The following TMEM272 variants were observed in gnomAD, a reference collection of about 807,000 sequenced individuals.
TMEM272 encodes long intergenic non-protein coding RNA 282.
TMEM272 carries 8 observed loss-of-function variants against 3.7 expected under a neutral mutation model. That is an observed-to-expected ratio of 2.17 (90% CI 1.27 to 3.91). The LOEUF (loss-of-function observed/expected upper bound fraction) is 3.91. Among genes scored for constraint, TMEM272 ranks in the 30% most tolerant of loss-of-function variants. The pLI is 0.00. For missense variants in TMEM272, 166 were observed against 91.5 expected, an observed-to-expected ratio of 1.81 and a Z score of -3.32; for synonymous variants, 63 against 39.8, an observed-to-expected ratio of 1.58 and a Z score of -2.20.
chr13:51,883,855 T>C, the TMEM272 span, among the ~76,000 whole-genome samples: 2 of 152,236 alleles, frequency 1.3e-5, no homozygotes, highest in Admixed American at 6.5e-5. Flanking sequence ...TGAGTTCTCC[T>C]CCATCCATGT....
At chr13:51,853,728 A>C in the TMEM272 span, among the ~76,000 whole-genome samples, 1 of 152,232 alleles carries the variant, frequency 6.6e-6, no homozygotes, top group African/African-American at 2.4e-5. Context: ...TGTTTAAAGA[A>C]ATTGGGAAGT....
chr13:51,835,125 T>C (rs1010119988), intron 2 of TMEM272, among the ~76,000 whole-genome samples: 1 of 152,140 alleles, frequency 6.6e-6, no homozygotes, highest in Non-Finnish European at 1.5e-5. Flanking sequence ...CGCCACCACT[T>C]AGCAGCTCCA....
the TMEM272 span, among the ~76,000 whole-genome samples, chr13:51,866,845 A>G: frequency 6.6e-6 from 1 of 152,116 alleles, no homozygotes. Flanking sequence ...ATTCCCACTC[A>G]CATAAGTCTC....
the TMEM272 span, among the ~76,000 whole-genome samples, chr13:51,876,529 G>C: frequency 6.6e-6 from 1 of 152,156 alleles, no homozygotes; most frequent in Non-Finnish European, 1.5e-5. Flanking sequence ...CACATCATTT[G>C]CATTTAGGAT....
chr13:51,828,128 A>G (rs12584414), intron 2 of TMEM272, among the ~76,000 whole-genome samples: 28,489 of 151,946 alleles, frequency 0.19, 3,136 homozygotes, highest in East Asian at 0.5. Context: ...GAATCACACC[A>G]CCCTTGATGC....
chr13:51,836,707 T>G (rs1956219400), intron 2 of TMEM272, among the ~76,000 whole-genome samples: 1 of 152,200 alleles, frequency 6.6e-6, no homozygotes, highest in African/African-American at 2.4e-5. Flanking sequence ...CTCTTAGATT[T>G]AGTGTCTATT....
the TMEM272 span, among the ~76,000 whole-genome samples, chr13:51,877,780 A>G: frequency 3.3e-5 from 5 of 152,196 alleles, no homozygotes; most frequent in African/African-American, 1.2e-4. Context: ...TTAAGTACCG[A>G]TGTATGATTT....
At chr13:51,911,527 C>T in the TMEM272 span, among the ~76,000 whole-genome samples, 12 of 152,230 alleles carry the variant, frequency 7.9e-5, no homozygotes, top group East Asian at 1.9e-4. Context: ...TCACCTCCCG[C>T]GCATGCACAT....
the TMEM272 span, among the ~76,000 whole-genome samples, chr13:51,894,944 G>C: frequency 6.6e-6 from 1 of 151,850 alleles, no homozygotes; most frequent in Non-Finnish European, 1.5e-5. Flanking sequence ...CAGATCATCA[G>C]GTGTTAGATT....
intron 3 of TMEM272, among the ~76,000 whole-genome samples, chr13:51,825,048 C>A (rs2139559695): frequency 6.6e-6 from 1 of 152,274 alleles, no homozygotes; most frequent in East Asian, 1.9e-4. Context: ...CTGGAGAGTA[C>A]CCCCGACTTC....
chr13:51,906,157 C>G, the TMEM272 span, among the ~76,000 whole-genome samples: 1 of 152,190 alleles, frequency 6.6e-6, no homozygotes, highest in South Asian at 2.1e-4. Flanking sequence ...TGGGCTGTAC[C>G]TGGGCATGTC....
At chr13:51,859,698 T>C in the TMEM272 span, among the ~76,000 whole-genome samples, 1 of 152,012 alleles carries the variant, frequency 6.6e-6, no homozygotes, top group Non-Finnish European at 1.5e-5. Context: ...AGTCACTAAA[T>C]GAACAAATAG....
chr13:51,879,504 G>A, the TMEM272 span, among the ~76,000 whole-genome samples: 1 of 152,162 alleles, frequency 6.6e-6, no homozygotes, highest in African/African-American at 2.4e-5. Context: ...GGGGTTTCCT[G>A]TGTCATCCAA....
the TMEM272 span, among the ~76,000 whole-genome samples, chr13:51,856,754 C>T: frequency 3.3e-5 from 5 of 152,128 alleles, no homozygotes; most frequent in Non-Finnish European, 5.9e-5. Flanking sequence ...AAATTAACAT[C>T]GGGTAGAATT....
chr13:51,876,613 T>C, the TMEM272 span, among the ~76,000 whole-genome samples: 1 of 152,202 alleles, frequency 6.6e-6, no homozygotes, highest in African/African-American at 2.4e-5. Context: ...GATTCTAAAA[T>C]GGAATCACTG....
intron 4 of TMEM272, among the ~76,000 whole-genome samples, chr13:51,821,687 AGCAAAAAAAAAAAAAGC>A (rs373279349): frequency 0.72 from 85,527 of 118,234 alleles, 32,065 homozygotes; most frequent in Admixed American, 0.79. Flanking sequence ...AAAAAAAAAA[AGCAAAAAAAAAAAAAGC>A]AGCAGCAGCA....
At chr13:51,848,332 T>C (rs947026514), upstream of TMEM272, among the ~76,000 whole-genome samples, 3 of 152,146 alleles carry the variant, frequency 2.0e-5, no homozygotes, top group Non-Finnish European at 4.4e-5. Context: ...AAGTGTGTAA[T>C]GAACTTCAAT....
At chr13:51,910,593 A>G in the TMEM272 span, 1 of 646,442 alleles carries the variant, frequency 1.5e-6, no homozygotes, top group Non-Finnish European at 3.0e-6. Context: ...CCCCAAGTAC[A>G]GCTGAGGGGT....
the TMEM272 span, among the ~76,000 whole-genome samples, chr13:51,862,559 A>G: frequency 6.6e-6 from 1 of 152,288 alleles, no homozygotes; most frequent in Non-Finnish European, 1.5e-5. Context: ...TATTTCCTGA[A>G]CACCTATCCT....
Sources: gnomAD v4.1 joint callset for allele counts (sites outside exome capture counted in the v4.1 genomes callset) on GRCh38, gnomAD v4.1.1 for gene constraint, MANE v1.5 for transcripts, NCBI Gene and HGNC (gene_info 2026-07-23, HGNC 2026-07-21) for gene names.